The following NDUFA5 variants were observed in gnomAD, a reference collection of about 807,000 sequenced individuals.
NDUFA5 encodes NADH:ubiquinone oxidoreductase subunit A5, also known as NADH dehydrogenase [ubiquinone] 1 alpha subcomplex subunit 5.
NDUFA5 carries 11 observed loss-of-function variants against 19.8 expected under a neutral mutation model. The observed-to-expected ratio is 0.56, with a 90% CI of 0.35 to 0.92. NDUFA5 has a LOEUF of 0.92. NDUFA5 is among the 40% of genes least tolerant of loss of function. The probability of loss-of-function intolerance (pLI) is 0.01; values close to 1 mark genes in which losing one functional copy is unlikely to be tolerated. For missense variants in NDUFA5, 109 were observed against 134.2 expected (o/e 0.81, Z 0.93); for synonymous variants, 47 against 46.8 (o/e 1.00, Z -0.01).
intron 1 of NDUFA5, 96 bp downstream of exon 1, chr7:123,557,679 C>T: frequency 6.2e-7 from 1 of 1,614,004 alleles, no homozygotes; most frequent in African/African-American, 1.3e-5. Flanking sequence ...CCGCCGAGCC[C>T]GCGACAGTAG....
At chr7:123,589,471 GCC>G in the NDUFA5 span, among the ~76,000 whole-genome samples, 2 of 151,382 alleles carry the variant, frequency 1.3e-5, no homozygotes, top group African/African-American at 4.9e-5. Context: ...CCCTCCTCCA[GCC>G]CCCCACCTCT....
At chr7:123,543,697 T>C (rs1798023396) in intron 4 of NDUFA5, among the ~76,000 whole-genome samples, 1 of 152,142 alleles carries the variant, frequency 6.6e-6, no homozygotes, top group Non-Finnish European at 1.5e-5. Context: ...CCTTAAAACT[T>C]AATTCCATGA....
chr7:123,585,642 T>C, the NDUFA5 span, among the ~76,000 whole-genome samples: 1 of 151,370 alleles, frequency 6.6e-6, no homozygotes, highest in Non-Finnish European at 1.5e-5. Context: ...TATTTGTGTG[T>C]GTGTGTGTGT....
the NDUFA5 span, among the ~76,000 whole-genome samples, chr7:123,586,896 T>C: frequency 6.6e-6 from 1 of 151,842 alleles, no homozygotes; most frequent in South Asian, 2.1e-4. Flanking sequence ...GTGCTCTCTT[T>C]TGATGTGTCT....
rs766305834 is a variant in NDUFA5, at chr7:123,540,890, G to GCGCGCGCGCGCGCGCGCA, written c.*1228_*1229insTGCGCGCGCGCGCGCGCG. On this transcript the variant is annotated 3_prime_UTR_variant, in exon 5 of 5. Coordinates refer to ENST00000355749, the MANE Select transcript of NDUFA5 (RefSeq NM_005000.5). The stretch of plus-strand genomic sequence containing the variant: ...TCTGAGCAAATGTGCGCATGCGCGT[G>GCGCGCGCGCGCGCGCGCA]CACACACACACACACACACACACAC... 5.5e-4 allele frequency: 74 copies of GCGCGCGCGCGCGCGCGCA among 133,902 alleles called. No homozygotes were observed. Among genetic ancestry groups the GCGCGCGCGCGCGCGCGCA allele is most frequent in the African/African-American group, 2.2e-3 (74 of 33,888 alleles). 8.3% of individuals were successfully genotyped at this position (133,902 alleles called of 1,614,324 possible). A position where few individuals can be genotyped will look rare whatever the true frequency, so the allele number is the denominator to read the frequency against.
At chr7:123,557,231 A>T in intron 2 of NDUFA5, 173 bp downstream of exon 2, 1 of 893,926 alleles carries the variant, frequency 1.1e-6, no homozygotes, top group Admixed American at 2.0e-5. Flanking sequence ...ATAAATAAAA[A>T]TGTGACATCG....
chr7:123,567,257 C>G, the NDUFA5 span, among the ~76,000 whole-genome samples: 3,049 of 152,136 alleles, frequency 0.02, 103 homozygotes, highest in African/African-American at 0.07. Flanking sequence ...ATGTGAGTAG[C>G]AAGGGGATCA....
At chr7:123,561,244 A>G (rs1374021811), upstream of NDUFA5, among the ~76,000 whole-genome samples, 1 of 152,244 alleles carries the variant, frequency 6.6e-6, no homozygotes, top group Non-Finnish European at 1.5e-5. Context: ...CAAAATTGGA[A>G]TCAGTCCTCT....
At chr7:123,549,752 T>C (rs971640837) in intron 3 of NDUFA5, among the ~76,000 whole-genome samples, 1 of 152,236 alleles carries the variant, frequency 6.6e-6, no homozygotes, top group Non-Finnish European at 1.5e-5. Flanking sequence ...CACTCTAGAC[T>C]GGGTAACAGA....
Position 123,543,211 on chromosome 7 carries a change from T to C in NDUFA5, c.250-991A>G, listed in dbSNP as rs72607716. 3.7e-3 allele frequency among the ~76,000 whole-genome samples: 565 copies of C among 152,268 alleles called. 27 individuals carry two copies. The East Asian group carries it at 0.099, about 27-fold the overall frequency. On this transcript the variant is annotated intron_variant, in intron 4 of 4. Transcript: ENST00000355749. Reference sequence around the variant, plus strand: ...AATAATTTAAATACTGATAAAATATTTCCTAAGGTTGCCCTGGGTCTCACG... The same window carrying C: ...AATAATTTAAATACTGATAAAATATCTCCTAAGGTTGCCCTGGGTCTCACG...
chr7:123,559,139 C>A (rs748946064), upstream of NDUFA5, among the ~76,000 whole-genome samples: 1 of 151,728 alleles, frequency 6.6e-6, no homozygotes, highest in Admixed American at 6.6e-5. Flanking sequence ...TCACTAATAG[C>A]CTTGCTGAAA....
chr7:123,564,226 A>G, the NDUFA5 span, among the ~76,000 whole-genome samples: 1 of 152,354 alleles, frequency 6.6e-6, no homozygotes, highest in East Asian at 1.9e-4. Context: ...TAAATGAGTT[A>G]TTATATGTAT....
chr7:123,596,771 G>T, the NDUFA5 span, among the ~76,000 whole-genome samples: 2 of 152,002 alleles, frequency 1.3e-5, no homozygotes, highest in Admixed American at 6.6e-5. Context: ...ATGTCATTAC[G>T]CATTAGCAAC....
chr7:123,564,591 A>G, the NDUFA5 span, among the ~76,000 whole-genome samples: 1 of 152,118 alleles, frequency 6.6e-6, no homozygotes, highest in African/African-American at 2.4e-5. Context: ...CCCTATATAT[A>G]GGATATTTTT....
At chr7:123,559,314 G>GA (rs59276373), upstream of NDUFA5, among the ~76,000 whole-genome samples, 168 of 141,730 alleles carry the variant, frequency 1.2e-3, no homozygotes, top group Middle Eastern at 3.8e-3. Flanking sequence ...GAATTAGCAA[G>GA]AAAAAAAAAA....
the NDUFA5 span, among the ~76,000 whole-genome samples, chr7:123,593,072 A>T: frequency 6.6e-6 from 1 of 151,880 alleles, no homozygotes; most frequent in African/African-American, 2.4e-5. Flanking sequence ...AGTTTGTTTT[A>T]TCAGAGACCA....
chr7:123,542,675 A>G (rs2117452060), intron 4 of NDUFA5, among the ~76,000 whole-genome samples: 1 of 152,072 alleles, frequency 6.6e-6, no homozygotes, highest in East Asian at 1.9e-4. Context: ...TCTTTTTTCT[A>G]TTGTGTTTTT....
the NDUFA5 span, among the ~76,000 whole-genome samples, chr7:123,592,517 C>A: frequency 6.6e-6 from 1 of 152,110 alleles, no homozygotes; most frequent in African/African-American, 2.4e-5. Context: ...AGAACATCTT[C>A]ATTTCTGCCT....
the NDUFA5 span, among the ~76,000 whole-genome samples, chr7:123,567,510 G>A: frequency 2.0e-5 from 3 of 152,134 alleles, no homozygotes; most frequent in Admixed American, 1.3e-4. Flanking sequence ...GACTTCCTAC[G>A]CTGCTTCTCA....
Sources: allele counts gnomAD v4.1 joint callset (sites outside exome capture counted in the v4.1 genomes callset), GRCh38; gene constraint gnomAD v4.1.1; transcripts MANE v1.5; gene names NCBI Gene and HGNC (gene_info 2026-07-23, HGNC 2026-07-21).